The following H1-8 variants were observed in gnomAD, a reference collection of about 807,000 sequenced individuals.
The protein encoded by H1-8 is H1.8 linker histone.
H1-8 carries 13 observed loss-of-function variants against 19.5 expected under a neutral mutation model. That is an observed-to-expected ratio of 0.67 (90% CI 0.43 to 1.06). H1-8 has a LOEUF of 1.06. H1-8 is among the 50% of genes least tolerant of loss of function. The pLI, the probability that H1-8 is intolerant of heterozygous loss-of-function variation, is 0.00. For synonymous variants in H1-8, 193 were observed against 187.6 expected (o/e 1.03, Z -0.24); for missense variants, 432 against 459.8 (o/e 0.94, Z 0.55).
Position 129,551,214 on chromosome 3 carries a change from C to T in H1-8, c.915C>T (p.Gly305=). The change falls in exon 5 of 5, where the codon GGC becomes GGT. Residue 305 remains glycine (G), a synonymous_variant. Transcript: ENST00000324382. ...CCAAGGCTGCTGCTCCTGCTAAGGG[C>T]AGTGGGTCCAAGGTGGTACCTGCAC... ...PNTKAAAPAK[G]SGSKVVPAHL... is the part of the protein sequence containing the mutation. 2 of 1,614,242 alleles carry T rather than the reference C, an allele frequency of 1.2e-6. No homozygotes were observed. The highest frequency in any genetic ancestry group is 1.7e-6 in the Non-Finnish European group (2 of 1,180,034).
In H1-8 at chr3:129,547,666, A is replaced by G. The variant is rs1056215708; in HGVS notation, c.364A>G (p.Thr122Ala). 1 of 1,542,780 alleles carries G rather than the reference A, an allele frequency of 6.5e-7. No individual in the cohort carries two copies. The stretch of plus-strand genomic sequence containing the variant: ...CCTCAACTCCAAAGCCAGGGGGGCC[A>G]CTGGCAGCTTCAAAGTAAGCGCCCC... ...RPLNSKARGATGSFKLVPKHK... is the reference protein window; with the variant it reads ...RPLNSKARGAAGSFKLVPKHK... Residue 122 changes from threonine to alanine, a missense_variant, in exon 2 of 5, where the codon ACT becomes GCT. Coordinates refer to ENST00000324382, the MANE Select transcript of H1-8 (RefSeq NM_153833.3).
At chr3:129,548,627 G>A (rs1243202985) in intron 2 of H1-8, among the ~76,000 whole-genome samples, 2 of 152,202 alleles carry the variant, frequency 1.3e-5, no homozygotes, top group Non-Finnish European at 2.9e-5. Context: ...CACGGCTGGA[G>A]GAGGGCGGAG....
chr3:129,551,289 G>A lies in H1-8; in HGVS notation c.990G>A (p.Leu330=), dbSNP rs114156301. The change falls in exon 5 of 5, where the codon CTG becomes CTA. Residue 330 remains leucine (L), a synonymous_variant. Transcript: ENST00000324382. ...CCAAGGGCCCTAGAAAGGCTGGGCT[G>A]CCCATCAAGGCCTCATCATCCAAAG... The part of the protein sequence containing the change: ...EAPKGPRKAG[L]PIKASSSKVS... 1,012 of 1,613,958 alleles carry A rather than the reference G, an allele frequency of 6.3e-4. 3 individuals carry two copies. In the African/African-American group the frequency reaches 9.0e-3, roughly 14 times the overall value.
chr3:129,548,242 T>C, intron 2 of H1-8: 1 of 764,390 alleles, frequency 1.3e-6, no homozygotes, highest in Non-Finnish European at 1.6e-6. Context: ...ACTTCCTGCA[T>C]GTAGCAGCTG....
chr3:129,550,953 T>C, intron 4 of H1-8, 144 bp downstream of exon 4: 1 of 951,174 alleles, frequency 1.1e-6, no homozygotes, highest in South Asian at 1.6e-5. Flanking sequence ...CCACCTTCTC[T>C]CTGGTCCCCT....
At chr3:129,547,710 AG>A (rs2084900860) in intron 2 of H1-8, 30 bp downstream of exon 2, 5 of 1,514,318 alleles carry the variant, frequency 3.3e-6, no homozygotes, top group Non-Finnish European at 3.5e-6. Context: ...GACATAGCCC[AG>A]GGTTGGAGCA....
intron 2 of H1-8, chr3:129,548,295 A>C (rs1578290468): frequency 1.0e-6 from 1 of 983,138 alleles, no homozygotes; most frequent in Non-Finnish European, 1.2e-6. Context: ...TTCTCAGCCT[A>C]CCCCAAGCCG....
intron 2 of H1-8, among the ~76,000 whole-genome samples, chr3:129,548,040 C>T (rs768841547): frequency 2.0e-5 from 3 of 152,144 alleles, no homozygotes; most frequent in Non-Finnish European, 4.4e-5. Context: ...CCATGTCCTC[C>T]GTTTCAAAGG....
intron 1 of H1-8, among the ~76,000 whole-genome samples, chr3:129,546,051 A>C (rs963095939): frequency 3.3e-5 from 5 of 151,728 alleles, no homozygotes; most frequent in Admixed American, 6.6e-5. Context: ...CTGAGGTGGG[A>C]AGATAGCTTG....
At chr3:129,545,058 G>A (rs1578288197) in intron 1 of H1-8, among the ~76,000 whole-genome samples, 4 of 149,374 alleles carry the variant, frequency 2.7e-5, no homozygotes, top group Admixed American at 2.7e-4. Flanking sequence ...TTTTAATATA[G>A]CCAATTTTTT....
In H1-8 at chr3:129,550,800, G is replaced by A. The variant is rs761564573; in HGVS notation, c.798G>A (p.Thr266=). The A allele has an allele frequency of 1.4e-5, 23 of 1,613,104 alleles. No homozygotes were observed. The highest frequency in any genetic ancestry group is 6.6e-5 in the South Asian group (6 of 90,942). Residue 266 remains threonine (T), a synonymous_variant, in exon 4 of 5, where the codon ACG becomes ACA. Coordinates refer to ENST00000324382, the MANE Select transcript of H1-8 (RefSeq NM_153833.3). ...CTGAGAGTAAGAGTTCAAAACCCAC[G>A]GCCAGCAAGGTAGGTGCCTGCATGA... ...TKAESKSSKP[T]ASKVKNGAAS...
chr3:129,548,619 C>T (rs570343097), intron 2 of H1-8: 29 of 642,188 alleles, frequency 4.5e-5, no homozygotes, highest in Non-Finnish European at 5.2e-5. Flanking sequence ...CTGTGGTACA[C>T]GGCTGGAGGA....
chr3:129,550,064 T>C lies in H1-8; in HGVS notation c.743-681T>C, dbSNP rs181299571. On this transcript the variant is annotated intron_variant, in intron 3 of 4. Transcript: ENST00000324382. ...AAGGGCAGCTGGAATCAGGGCTTTA[T>C]CTGGAGGACAATGCAGAGCTGTGGA... 5.3e-5 allele frequency among the ~76,000 whole-genome samples: 8 copies of C among 152,284 alleles called. No homozygotes were observed. In the South Asian group the frequency reaches 1.2e-3, roughly 24 times the overall value.
chr3:129,548,086 G>A (rs1358777472), intron 2 of H1-8, among the ~76,000 whole-genome samples: 1 of 152,122 alleles, frequency 6.6e-6, no homozygotes, highest in Non-Finnish European at 1.5e-5. Context: ...CTCCAAAAGG[G>A]GACCCATGCC....
chr3:129,550,266 G>C (rs906700928), intron 3 of H1-8, among the ~76,000 whole-genome samples: 15 of 152,182 alleles, frequency 9.9e-5, no homozygotes, highest in Non-Finnish European at 1.6e-4. Flanking sequence ...AGCTGGCATG[G>C]TGTTGCATAC....
At chr3:129,543,678 A>G (rs992611387) in intron 1 of H1-8, among the ~76,000 whole-genome samples, 13 of 152,162 alleles carry the variant, frequency 8.5e-5, no homozygotes, top group Admixed American at 2.6e-4. Context: ...CATTTTATGC[A>G]GGGCTAGGCA....
At chr3:129,550,069 A>G (rs1388148342) in intron 3 of H1-8, among the ~76,000 whole-genome samples, 1 of 152,160 alleles carries the variant, frequency 6.6e-6, no homozygotes, top group Non-Finnish European at 1.5e-5. Flanking sequence ...CTTTATCTGG[A>G]GGACAATGCA....
intron 1 of H1-8, 110 bp downstream of exon 1, chr3:129,543,416 AC>A: frequency 1.3e-6 from 1 of 759,622 alleles, no homozygotes. Context: ...CCCAGCACCT[AC>A]CCAGCACCCA....
chr3:129,547,244 C>T (rs547583023), intron 1 of H1-8, 147 bp from the exon 2 acceptor site: 57 of 750,352 alleles, frequency 7.6e-5, no homozygotes, highest in African/African-American at 4.3e-4. Flanking sequence ...GGAGACCATC[C>T]GGGAGCTCCC....
Sources: allele counts gnomAD v4.1 joint callset (sites outside exome capture counted in the v4.1 genomes callset), GRCh38; gene constraint gnomAD v4.1.1; transcripts MANE v1.5; gene names NCBI Gene and HGNC (gene_info 2026-07-23, HGNC 2026-07-21).